Variants in USP16 observed in about 807,000 individuals in gnomAD.
USP16 encodes the protein ubiquitin specific peptidase 16.
In USP16, 77 loss-of-function variants were observed where a neutral mutation model predicts 95.9. The observed-to-expected ratio is 0.80, with a 90% confidence interval of 0.67 to 0.97. USP16 has a LOEUF of 0.97. Ranked by LOEUF, USP16 falls within the 50% of genes least tolerant of loss-of-function variation. The probability of loss-of-function intolerance (pLI) is 0.00; values close to 1 mark genes in which losing one functional copy is unlikely to be tolerated. For synonymous variants in USP16, 303 were observed against 318.2 expected, an observed-to-expected ratio of 0.95 and a Z score of 0.51; for missense variants, 943 against 959.9, an observed-to-expected ratio of 0.98 and a Z score of 0.23.
rs1246683906 is a variant in USP16, at chr21:29,050,165, C to G, written c.2180C>G (p.Thr727Ser). The G allele has an allele frequency of 6.2e-7, 1 of 1,613,216 alleles. No homozygotes were observed. The highest frequency in any genetic ancestry group is 8.5e-7 in the Non-Finnish European group (1 of 1,179,870). Residue 727 changes from threonine to serine, a missense_variant, in exon 16 of 18, where the codon ACC becomes AGC. Thr to Ser is a moderately conservative substitution (Grantham distance 58, BLOSUM62 1). Transcript: ENST00000399976. ...ATCTTAGATTTGGCTCCTTTTTGCA[C>G]CCTTAAATGTAAGGTAAGTCAAAGT... ...PEILDLAPFCTLKCKNVAEEN... is the reference protein window; with the variant it reads ...PEILDLAPFCSLKCKNVAEEN...
chr21:29,042,850 C>T (rs1281383146), intron 12 of USP16: 1 of 200,726 alleles, frequency 5.0e-6, no homozygotes, highest in Non-Finnish European at 9.8e-6. Flanking sequence ...CCTTGCACAC[C>T]TAAGTTCATA....
chr21:29,050,068 C>G (rs1432033074), intron 15 of USP16, 24 bp from the exon 16 acceptor site: 1 of 1,592,654 alleles, frequency 6.3e-7, no homozygotes, highest in Non-Finnish European at 8.5e-7. Context: ...GAAAAGAAGT[C>G]AATCTGTTAT....
Position 29,025,336 on chromosome 21 carries a change from C to G in USP16, c.-42+559C>G, listed in dbSNP as rs558655401. 2.6e-5 allele frequency among the ~76,000 whole-genome samples: 4 copies of G among 152,266 alleles called. No homozygotes were observed. In the South Asian group the frequency reaches 8.3e-4, roughly 32 times the overall value. Reference sequence around the variant, plus strand: ...AAGAGACTTGGAATAATATGAGAACCGGCAAGACTATCTTTGATTTAGATT... The same window carrying G: ...AAGAGACTTGGAATAATATGAGAACGGGCAAGACTATCTTTGATTTAGATT... On this transcript the variant is annotated intron_variant, in intron 1 of 17. Transcript: ENST00000399976.
Position 29,027,969 on chromosome 21 carries a change from CT to C in USP16, c.59del (p.Leu20Ter). 6.2e-7 allele frequency: 1 copy of C among 1,610,500 alleles called. No individual in the cohort carries two copies. Among genetic ancestry groups the C allele is most frequent in the Non-Finnish European group, 8.5e-7 (1 of 1,177,230 alleles). ...GTTCCAATCGATGATTCCTCTGAAA[CT>C]TTAGGTATATTTCATTGATTGAATC... ...KTVPIDDSSE[T>X]LEPVCRHIRK... On this transcript the variant is annotated frameshift_variant, in exon 2 of 18. Coordinates refer to ENST00000399976, the MANE Select transcript of USP16 (RefSeq NM_006447.3). LOFTEE classifies it high-confidence loss of function.
At chr21:29,042,423 A>C in intron 11 of USP16, 49 bp from the exon 12 acceptor site, 1 of 1,559,892 alleles carries the variant, frequency 6.4e-7, no homozygotes, top group South Asian at 1.2e-5. Flanking sequence ...CTTACTATGT[A>C]ACATTTACAG....
Position 29,042,078 on chromosome 21 carries a change from A to G in USP16, c.1096A>G (p.Met366Val). Residue 366 changes from methionine (M) to valine (V), a missense_variant, in exon 11 of 18, where the codon ATG becomes GTG. Transcript: ENST00000399976. Reference protein sequence around the residue: ...DRIFGGELTSMIMCDQCRTVS... With the variant: ...DRIFGGELTSVIMCDQCRTVS... ...CATCTTTGGTGGTGAACTAACTAGTATGATCATGTGTGATCAATGCAGAAC... is the reference window on the plus strand; with the variant it reads ...CATCTTTGGTGGTGAACTAACTAGTGTGATCATGTGTGATCAATGCAGAAC... 6.2e-7 allele frequency: 1 copy of G among 1,613,380 alleles called. No individual in the cohort carries two copies. The highest frequency in any genetic ancestry group is 8.5e-7 in the Non-Finnish European group (1 of 1,179,614).
At chr21:29,035,874 C>T (rs2085148055) in intron 4 of USP16, among the ~76,000 whole-genome samples, 1 of 151,968 alleles carries the variant, frequency 6.6e-6, no homozygotes, top group Non-Finnish European at 1.5e-5. Context: ...AGCCGAGATC[C>T]TGCCACTGCA....
intron 13 of USP16, among the ~76,000 whole-genome samples, chr21:29,045,991 T>G (rs1424689082): frequency 1.3e-5 from 2 of 152,056 alleles, no homozygotes; most frequent in South Asian, 2.1e-4. Context: ...GCCTGGCTAA[T>G]TTTTGTATTT....
chr21:29,040,368 G>A (rs2085225157), intron 9 of USP16, among the ~76,000 whole-genome samples: 1 of 152,068 alleles, frequency 6.6e-6, no homozygotes, highest in African/African-American at 2.4e-5. Flanking sequence ...GAAAACCTTT[G>A]GCTTGAAGAG....
intron 13 of USP16, among the ~76,000 whole-genome samples, chr21:29,046,158 C>G (rs2085319933): frequency 6.6e-6 from 1 of 152,004 alleles, no homozygotes; most frequent in Non-Finnish European, 1.5e-5. Flanking sequence ...TTTTTTGAGA[C>G]AGAGTCTTGC....
chr21:29,034,789 C>T (rs2085129414), intron 3 of USP16, 48 bp from the exon 4 acceptor site: 1 of 1,571,908 alleles, frequency 6.4e-7, no homozygotes, highest in African/African-American at 1.3e-5. Context: ...ATTCTCCCCT[C>T]TTGCTGAGTT....
chr21:29,024,888 A>C, intron 1 of USP16, 111 bp downstream of exon 1: 1 of 1,105,650 alleles, frequency 9.0e-7, no homozygotes, highest in South Asian at 1.6e-5. Context: ...CGCTCTCCTT[A>C]AGCACGTAAC....
intron 3 of USP16, among the ~76,000 whole-genome samples, chr21:29,031,110 G>T (rs552135725): frequency 2.6e-5 from 4 of 152,318 alleles, no homozygotes; most frequent in Non-Finnish European, 5.9e-5. Flanking sequence ...GATGTGGCCT[G>T]CCCCTAGAGC....
chr21:29,039,288 GT>G lies in USP16; in HGVS notation c.863+140del, dbSNP rs551176952. ...CAACCCTCTATATACAAAAGGCATA[GT>G]TTTTTTTCATTTGGATTTTAAAATA... On this transcript the variant is annotated intron_variant, in intron 8 of 17. Transcript: ENST00000399976. 1,615 of 1,136,864 alleles carry G rather than the reference GT, an allele frequency of 1.4e-3. 1 individual carries two copies. The highest frequency in any genetic ancestry group is 1.9e-3 in the South Asian group (56 of 29,702). The allele number at this position is 1,136,864 out of a possible 1,614,324, so 70.4% of individuals were successfully genotyped here.
rs373351842 is a variant in USP16 at position 29,046,862 on chromosome 21, C to A, written c.1552C>A (p.Gln518Lys). 4.1e-5 allele frequency: 66 copies of A among 1,613,818 alleles called. No individual in the cohort carries two copies. The highest frequency in any genetic ancestry group is 5.1e-6 in the Non-Finnish European group (6 of 1,179,998). ...TGTCAACCAGAAAGATTTGAATGGCCAAGCAAAAATGATCGAAAGTGTAAC... is the reference window on the plus strand; with the variant it reads ...TGTCAACCAGAAAGATTTGAATGGCAAAGCAAAAATGATCGAAAGTGTAAC... ...YCVNQKDLNG[Q>K]AKMIESVTDN... The change falls in exon 14 of 18, where the codon CAA becomes AAA. Residue 518 changes from glutamine to lysine, a missense_variant. Physicochemically the swap from Gln to Lys is moderately conservative, Grantham distance 53 (BLOSUM62 1). Coordinates refer to ENST00000399976, the MANE Select transcript of USP16 (RefSeq NM_006447.3).
intron 13 of USP16, among the ~76,000 whole-genome samples, 197 bp downstream of exon 13, chr21:29,043,796 C>T (rs1020855112): frequency 1.1e-4 from 16 of 151,250 alleles, no homozygotes; most frequent in Non-Finnish European, 1.9e-4. Flanking sequence ...CGTCGTGCTT[C>T]TTTTTTTTTA....
chr21:29,041,042 G>A (rs2085236086), intron 10 of USP16, among the ~76,000 whole-genome samples: 2 of 152,220 alleles, frequency 1.3e-5, no homozygotes, highest in South Asian at 4.1e-4. Flanking sequence ...AAAGATTTAG[G>A]GCAGATCTGC....
intron 16 of USP16, chr21:29,052,846 C>T (rs1055562746): frequency 1.3e-5 from 2 of 152,278 alleles, no homozygotes; most frequent in Non-Finnish European, 2.9e-5. Flanking sequence ...TTTAGCAGGT[C>T]ATGGTGGTGT....
chr21:29,036,181 G>A, intron 4 of USP16, 90 bp from the exon 5 acceptor site: 2 of 1,100,240 alleles, frequency 1.8e-6, no homozygotes, highest in Non-Finnish European at 2.7e-6. Context: ...TAAGTTGGCA[G>A]TTACACACTT....
Sources: gnomAD v4.1 joint callset for allele counts (sites outside exome capture counted in the v4.1 genomes callset) on GRCh38, gnomAD v4.1.1 for gene constraint, MANE v1.5 for transcripts, NCBI Gene and HGNC (gene_info 2026-07-23, HGNC 2026-07-21) for gene names.